Variants in TENM4 observed in about 807,000 individuals in gnomAD.
The protein encoded by TENM4 is teneurin-4.
Under a neutral mutation model 243.3 loss-of-function variants are expected in TENM4, and 82 were observed. The ratio of observed to expected loss-of-function variants is 0.34; its 90% confidence interval spans 0.28 to 0.40. The LOEUF is 0.40. TENM4 is among the 10% of genes least tolerant of loss of function. The pLI, the probability that TENM4 is intolerant of heterozygous loss-of-function variation, is 1.00. For missense variants in TENM4, 3,138 were observed against 3,673.3 expected (o/e 0.85, Z 3.77); for synonymous variants, 1,412 against 1,456.3 (o/e 0.97, Z 0.69).
At chr11:78,751,063 T>C (rs952733379) in intron 19 of TENM4, among the ~76,000 whole-genome samples, 4 of 152,198 alleles carry the variant, frequency 2.6e-5, no homozygotes, top group Non-Finnish European at 5.9e-5. Context: ...GTATTTTTCA[T>C]AGAGACGGGG....
intron 1 of TENM4, among the ~76,000 whole-genome samples, chr11:79,419,055 C>G (rs1877206): frequency 6.6e-6 from 1 of 151,950 alleles, no homozygotes; most frequent in Non-Finnish European, 1.5e-5. Context: ...CACATCTAGA[C>G]TAGGCTTAGC....
intron 2 of TENM4, among the ~76,000 whole-genome samples, chr11:79,296,102 T>C (rs1297579802): frequency 6.6e-6 from 1 of 152,194 alleles, no homozygotes; most frequent in Non-Finnish European, 1.5e-5. Flanking sequence ...TTCGTGCACC[T>C]TTTGAAATTC....
At chr11:78,910,257 C>T (rs1251094537) in intron 6 of TENM4, among the ~76,000 whole-genome samples, 3 of 152,182 alleles carry the variant, frequency 2.0e-5, no homozygotes, top group Non-Finnish European at 2.9e-5. Flanking sequence ...CCCAAGCATA[C>T]ACTGCAGTCA....
intron 6 of TENM4, among the ~76,000 whole-genome samples, chr11:78,909,339 T>C (rs1856130983): frequency 1.3e-5 from 2 of 152,250 alleles, no homozygotes; most frequent in African/African-American, 2.4e-5. Context: ...TTAATCCTTA[T>C]AACAGCTCTG....
chr11:78,734,243 T>G lies in TENM4; in HGVS notation c.2877-1666A>C, dbSNP rs116282670. Reference sequence around the variant, plus strand: ...ATAAAAAGATGTAAGACTAGAATTTTGTGTCCTTTCTCTTCTTAAAACAGA... The same window carrying G: ...ATAAAAAGATGTAAGACTAGAATTTGGTGTCCTTTCTCTTCTTAAAACAGA... On this transcript the variant is annotated intron_variant, in intron 20 of 33. Coordinates refer to ENST00000278550, the MANE Select transcript of TENM4 (RefSeq NM_001098816.3). Among the ~76,000 whole-genome samples, 1,058 of 152,240 alleles carry G rather than the reference T, an allele frequency of 6.9e-3. 6 individuals carry two copies. The highest frequency in any genetic ancestry group is 0.024 in the African/African-American group (999 of 41,542).
At chr11:78,677,787 T>A (rs573488287) in intron 29 of TENM4, among the ~76,000 whole-genome samples, 4 of 151,638 alleles carry the variant, frequency 2.6e-5, no homozygotes, top group Non-Finnish European at 1.5e-5. Context: ...TTTTTTTTTA[T>A]TATACTCTAA....
chr11:79,197,480 G>A (rs1863654864), intron 3 of TENM4, among the ~76,000 whole-genome samples: 1 of 152,096 alleles, frequency 6.6e-6, no homozygotes, highest in African/African-American at 2.4e-5. Context: ...GGGAGCATTA[G>A]TCCCAGGCTG....
intron 1 of TENM4, among the ~76,000 whole-genome samples, chr11:79,403,951 A>C (rs1858515331): frequency 6.6e-6 from 1 of 152,198 alleles, no homozygotes; most frequent in Non-Finnish European, 1.5e-5. Context: ...ATGCCCAGAG[A>C]ATGACAGTCA....
chr11:79,025,260 GGAAT>G (rs67342343), intron 6 of TENM4, among the ~76,000 whole-genome samples: 40,529 of 150,880 alleles, frequency 0.27, 5,564 homozygotes, highest in African/African-American at 0.3. Flanking sequence ...GCATAACACT[GGAAT>G]GAATGAATGA....
At chr11:79,231,363 A>C (rs1360248347) in intron 2 of TENM4, among the ~76,000 whole-genome samples, 1 of 151,916 alleles carries the variant, frequency 6.6e-6, no homozygotes, top group African/African-American at 2.4e-5. Context: ...AAAATAAAAT[A>C]CCATTACACC....
intron 1 of TENM4, among the ~76,000 whole-genome samples, chr11:79,315,330 C>T (rs1271161129): frequency 6.6e-6 from 1 of 152,210 alleles, no homozygotes; most frequent in Non-Finnish European, 1.5e-5. Flanking sequence ...AGGTTCACCG[C>T]TCAAGACCAG....
chr11:79,059,474 T>C (rs1860032502), intron 6 of TENM4, among the ~76,000 whole-genome samples: 1 of 152,122 alleles, frequency 6.6e-6, no homozygotes, highest in African/African-American at 2.4e-5. Context: ...TTAATATTAA[T>C]AGCTCCCGTG....
intron 3 of TENM4, among the ~76,000 whole-genome samples, chr11:79,163,304 A>G (rs74381650): frequency 1.1e-3 from 174 of 152,248 alleles, no homozygotes; most frequent in African/African-American, 4.1e-3. Context: ...TAAAAATCCT[A>G]TGCTGTAAAC....
intron 1 of TENM4, among the ~76,000 whole-genome samples, chr11:79,386,749 A>AT (rs570788602): frequency 0.041 from 4,495 of 109,916 alleles, 227 homozygotes; most frequent in African/African-American, 0.13. Context: ...CGTTGAGTTC[A>AT]TTTTTTTTTT....
chr11:78,811,727 C>T (rs1857505815), intron 14 of TENM4, among the ~76,000 whole-genome samples: 2 of 152,268 alleles, frequency 1.3e-5, no homozygotes, highest in African/African-American at 4.8e-5. Flanking sequence ...GGAGCCAGAA[C>T]GACTGGGCTC....
At chr11:79,011,471 G>A (rs117487461) in intron 6 of TENM4, among the ~76,000 whole-genome samples, 324 of 152,292 alleles carry the variant, frequency 2.1e-3, no homozygotes, top group Non-Finnish European at 3.8e-3. Flanking sequence ...TCTCCTAAGC[G>A]AGTATTGCCT....
intron 1 of TENM4, among the ~76,000 whole-genome samples, chr11:79,426,478 C>G (rs557601477): frequency 6.6e-6 from 1 of 152,110 alleles, no homozygotes; most frequent in Admixed American, 6.5e-5. Flanking sequence ...TGAATAAATG[C>G]GATAATATAG....
intron 12 of TENM4, among the ~76,000 whole-genome samples, chr11:78,818,410 C>T (rs1352474107): frequency 6.6e-6 from 1 of 152,228 alleles, no homozygotes; most frequent in Non-Finnish European, 1.5e-5. Context: ...CTAAACCTGA[C>T]AGCATAGAAG....
chr11:78,732,408 A>C lies in TENM4; in HGVS notation c.3046T>G (p.Phe1016Val). The change falls in exon 21 of 34, where the codon TTT becomes GTT. Residue 1016 changes from phenylalanine to valine, a missense_variant. Phe to Val is a conservative substitution (Grantham distance 50). Around this residue, in one of 2 missense-constraint regions of TENM4, gnomAD observed 2,467 missense variants for 3,059.1 expected, o/e 0.81. Transcript: ENST00000278550. ...NEIPSCDLSN[F>V]ARPNPVVSPS... ...GAGACGACTGGGTTGGGGCGGGCAA[A>C]ATTGCTCAGGTCACAGCTGGGAATC... is the stretch of plus-strand genomic sequence containing the variant. 6.2e-7 allele frequency: 1 copy of C among 1,613,866 alleles called. No homozygotes were observed. Among genetic ancestry groups the C allele is most frequent in the Non-Finnish European group, 8.5e-7 (1 of 1,179,858 alleles).
Sources: gnomAD v4.1 joint callset for allele counts (sites outside exome capture counted in the v4.1 genomes callset) on GRCh38, gnomAD v4.1.1 for gene constraint, gnomAD v4.1.1 regional missense constraint, MANE v1.5 for transcripts, NCBI Gene and HGNC (gene_info 2026-07-23, HGNC 2026-07-21) for gene names.